JAKMIP1: variants seen among roughly 807,000 people sequenced by gnomAD.
The protein encoded by JAKMIP1 is janus kinase and microtubule-interacting protein 1.
Under a neutral mutation model 113.0 loss-of-function variants are expected in JAKMIP1, and 33 were observed. That is an observed-to-expected ratio of 0.29 (90% CI 0.22 to 0.39). JAKMIP1 has a LOEUF of 0.39. Among genes scored for constraint, JAKMIP1 ranks in the 10% least tolerant of loss-of-function variants. JAKMIP1 has a pLI of 1.00. For synonymous variants in JAKMIP1, 480 were observed against 459.9 expected, an observed-to-expected ratio of 1.04 and a Z score of -0.56; for missense variants, 813 against 1,080.5, an observed-to-expected ratio of 0.75 and a Z score of 3.47.
At chr4:6,182,410 G>GGA (rs199677266) in intron 1 of JAKMIP1, among the ~76,000 whole-genome samples, 2 of 120,330 alleles carry the variant, frequency 1.7e-5, no homozygotes, top group East Asian at 5.1e-4. Context: ...CCCTGTCTCA[G>GGA]AAAAAAAAAA....
Position 6,137,324 on chromosome 4 carries a change from C to A in JAKMIP1, c.-147-24327G>T, listed in dbSNP as rs1258966340. On this transcript the variant is annotated intron_variant, in intron 1 of 20. Transcript: ENST00000409021. This position sits in a 1 kb window ranked among gnomAD's most constrained non-coding sequence, Gnocchi z 4.5. ...GCCACAGTGGCTGCAAGACGGCACG[C>A]GCTGGCATTTTCCTAACAGACGGAT... Among the ~76,000 whole-genome samples the A allele has an allele frequency of 6.6e-6, 1 of 152,196 alleles. No homozygotes were observed. Among genetic ancestry groups the A allele is most frequent in the South Asian group, 2.1e-4 (1 of 4,834 alleles).
chr4:6,091,357 T>C (rs1219405354), intron 3 of JAKMIP1, among the ~76,000 whole-genome samples: 1 of 149,714 alleles, frequency 6.7e-6, no homozygotes, highest in Non-Finnish European at 1.5e-5. Flanking sequence ...ATACACAGAG[T>C]ATTTTTTCCC....
intron 3 of JAKMIP1, among the ~76,000 whole-genome samples, chr4:6,092,514 A>G (rs1722231380): frequency 1.3e-5 from 2 of 152,200 alleles, no homozygotes; most frequent in African/African-American, 2.4e-5. Flanking sequence ...GTTTTAAGCC[A>G]TTGAGAGAAC....
chr4:6,196,570 G>A (rs1560362359), intron 1 of JAKMIP1, among the ~76,000 whole-genome samples: 2 of 152,192 alleles, frequency 1.3e-5, no homozygotes, highest in Admixed American at 1.3e-4. Context: ...GCACCAAGAA[G>A]GGGCCAGGTG....
Position 6,081,712 on chromosome 4 carries a change from A to C in JAKMIP1, c.998T>G (p.Val333Gly). Residue 333 changes from valine (V) to glycine (G), a missense_variant, in exon 6 of 21, where the codon GTG (valine) becomes GGG (glycine). By Grantham distance (109) the Val-to-Gly change is moderately radical. Around this residue, in one of 2 missense-constraint regions of JAKMIP1, gnomAD observed 540 missense variants for 653.9 expected, o/e 0.83. Transcript: ENST00000409021. The surrounding 1 kb of genome is among the most constrained non-coding windows in gnomAD (Gnocchi z 4.6). ...RETEVQLKPL[V>G]EKNKRMNKKN... ...CTTGTTCATCCGCTTGTTCTTCTCC[A>C]CCAGGGGCTTCAGCTGAACCTCGGT... is the stretch of plus-strand genomic sequence containing the variant. 9 of 1,614,100 alleles carry C rather than the reference A, an allele frequency of 5.6e-6. No homozygotes were observed. The highest frequency in any genetic ancestry group is 7.6e-6 in the Non-Finnish European group (9 of 1,180,016).
chr4:6,048,025 G>T (rs1456312128), intron 16 of JAKMIP1, among the ~76,000 whole-genome samples: 2 of 152,094 alleles, frequency 1.3e-5, no homozygotes, highest in African/African-American at 4.8e-5. Flanking sequence ...AAATCCAATG[G>T]AAAACCCTCA....
Position 6,154,335 on chromosome 4 carries a change from C to T in JAKMIP1, c.-147-41338G>A, listed in dbSNP as rs1432299027. Among the ~76,000 whole-genome samples, 1 of 151,954 alleles carries T rather than the reference C, an allele frequency of 6.6e-6. No individual in the cohort carries two copies. The highest frequency in any genetic ancestry group is 1.5e-5 in the Non-Finnish European group (1 of 67,988). On this transcript the variant is annotated intron_variant, in intron 1 of 20. Coordinates refer to ENST00000409021, the MANE Select transcript of JAKMIP1 (RefSeq NM_001099433.2). This position sits in a 1 kb window ranked among gnomAD's most constrained non-coding sequence, Gnocchi z 4.2. The stretch of plus-strand genomic sequence containing the variant: ...ACATCAAAACCATTGCAAGGAAAAC[C>T]CCCTAGGATGTTAAATCTGCATGCC...
At chr4:6,164,770 A>G (rs1224952382) in intron 1 of JAKMIP1, among the ~76,000 whole-genome samples, 1 of 152,242 alleles carries the variant, frequency 6.6e-6, no homozygotes, top group African/African-American at 2.4e-5. Flanking sequence ...AAGTAATCGC[A>G]TAAGTGGTGA....
chr4:6,034,670 C>T (rs1016819449), intron 19 of JAKMIP1, among the ~76,000 whole-genome samples: 5 of 151,988 alleles, frequency 3.3e-5, no homozygotes, highest in Admixed American at 1.3e-4. Flanking sequence ...GGTGTGGTGG[C>T]GGGTGCCTAT....
At chr4:6,125,339 C>A (rs542417718) in intron 1 of JAKMIP1, among the ~76,000 whole-genome samples, 1 of 152,196 alleles carries the variant, frequency 6.6e-6, no homozygotes, top group East Asian at 1.9e-4. Flanking sequence ...ACCCTCAAGC[C>A]CCTCCCCGCA....
intron 8 of JAKMIP1, among the ~76,000 whole-genome samples, chr4:6,072,521 C>T (rs917951385): frequency 6.6e-6 from 1 of 152,184 alleles, no homozygotes; most frequent in Non-Finnish European, 1.5e-5. Flanking sequence ...GGAACAAGCC[C>T]TCGCCCCTCC....
rs537319382 is a variant in JAKMIP1 at position 6,132,471 on chromosome 4, G to A, written c.-147-19474C>T. 5.3e-5 allele frequency among the ~76,000 whole-genome samples: 8 copies of A among 151,832 alleles called. No individual in the cohort carries two copies. In the South Asian group the frequency reaches 1.3e-3, roughly 24 times the overall value. ...AGCCTGGCCAACATGGTGAAACCCC[G>A]TCTCTACTAAAAATACAAAAATTAG... On this transcript the variant is annotated intron_variant, in intron 1 of 20. Coordinates refer to ENST00000409021, the MANE Select transcript of JAKMIP1 (RefSeq NM_001099433.2).
intron 19 of JAKMIP1, among the ~76,000 whole-genome samples, chr4:6,034,663 G>A (rs1467270181): frequency 6.6e-6 from 1 of 152,168 alleles, no homozygotes; most frequent in Non-Finnish European, 1.5e-5. Context: ...TTAGCTGGGT[G>A]TGGTGGCGGG....
rs1231649284 is a variant in JAKMIP1 at position 6,142,541 on chromosome 4, T to A, written c.-147-29544A>T. On this transcript the variant is annotated intron_variant, in intron 1 of 20. Transcript: ENST00000409021. This position sits in a 1 kb window ranked among gnomAD's most constrained non-coding sequence, Gnocchi z 5.5. ...TATTTAATATTACTGGCACTTTTTT[T>A]AAGCTACCATATCACAATAATCAGA... Among the ~76,000 whole-genome samples, 2 of 152,230 alleles carry A rather than the reference T, an allele frequency of 1.3e-5. No homozygotes were observed. The highest frequency in any genetic ancestry group is 4.8e-5 in the African/African-American group (2 of 41,474).
intron 13 of JAKMIP1, among the ~76,000 whole-genome samples, chr4:6,053,538 C>A (rs148706561): frequency 6.6e-6 from 1 of 152,152 alleles, no homozygotes; most frequent in Non-Finnish European, 1.5e-5. Flanking sequence ...AGAAAATGGG[C>A]CCAAACTGGC....
intron 19 of JAKMIP1, 52 bp from the exon 20 acceptor site, chr4:6,029,833 A>G (rs555065861): frequency 1.5e-5 from 19 of 1,279,284 alleles, no homozygotes; most frequent in Non-Finnish European, 2.0e-5. Flanking sequence ...CAGGTTTAAA[A>G]ACTCTGTTTT....
At chr4:6,131,115 T>C in intron 1 of JAKMIP1, among the ~76,000 whole-genome samples, 1 of 132,708 alleles carries the variant, frequency 7.5e-6, no homozygotes. Context: ...TAAGCCATGA[T>C]TGCACCACTG....
intron 1 of JAKMIP1, among the ~76,000 whole-genome samples, chr4:6,175,751 G>A (rs1725275671): frequency 6.6e-6 from 1 of 152,174 alleles, no homozygotes; most frequent in Non-Finnish European, 1.5e-5. Flanking sequence ...CTCGGCACCT[G>A]GAAAAGACAG....
At chr4:6,198,529 G>A (rs1728089629) in intron 1 of JAKMIP1, among the ~76,000 whole-genome samples, 1 of 152,130 alleles carries the variant, frequency 6.6e-6, no homozygotes, top group Non-Finnish European at 1.5e-5. Context: ...CATGCATTGG[G>A]TCCACACTGT....
Sources: gnomAD v4.1 joint callset for allele counts (sites outside exome capture counted in the v4.1 genomes callset) on GRCh38, gnomAD v4.1.1 for gene constraint, gnomAD v4.1.1 regional missense constraint, Gnocchi (gnomAD v3.1) non-coding constraint, MANE v1.5 for transcripts, NCBI Gene and HGNC (gene_info 2026-07-23, HGNC 2026-07-21) for gene names.